MGAT5: variants seen among roughly 807,000 people sequenced by gnomAD.
MGAT5 encodes alpha-1,6-mannosylglycoprotein 6-beta-N-acetylglucosaminyltransferase.
In MGAT5, 30 loss-of-function variants were observed where a neutral mutation model predicts 94.3. The ratio of observed to expected loss-of-function variants is 0.32; its 90% CI spans 0.24 to 0.43. MGAT5 has a LOEUF of 0.43. MGAT5 is among the 20% of genes least tolerant of loss of function. MGAT5 has a pLI of 1.00. For missense variants in MGAT5, 691 were observed against 905.5 expected (o/e 0.76, Z 3.04); for synonymous variants, 310 against 322.9 (o/e 0.96, Z 0.43).
At chr2:134,351,196 C>A (rs978077816) in intron 9 of MGAT5, among the ~76,000 whole-genome samples, 1 of 152,188 alleles carries the variant, frequency 6.6e-6, no homozygotes, top group African/African-American at 2.4e-5. Context: ...CTATTACACA[C>A]CGTCCCTGGG....
intron 1 of MGAT5, among the ~76,000 whole-genome samples, chr2:134,231,737 G>T (rs1681373062): frequency 6.6e-6 from 1 of 152,172 alleles, no homozygotes; most frequent in African/African-American, 2.4e-5. Context: ...CTACCCACTG[G>T]AGGTATTTGG....
intron 2 of MGAT5, among the ~76,000 whole-genome samples, chr2:134,286,531 A>C (rs1685012636): frequency 6.6e-6 from 1 of 151,902 alleles, no homozygotes; most frequent in Admixed American, 6.6e-5. Flanking sequence ...TCCTGGGTTC[A>C]AGCAGTTTTC....
intron 1 of MGAT5, among the ~76,000 whole-genome samples, chr2:134,254,938 T>C (rs752156781): frequency 7.2e-5 from 11 of 152,194 alleles, no homozygotes; most frequent in Non-Finnish European, 8.8e-5. Context: ...TCAGGAACCA[T>C]GTGATCTCAT....
At chr2:134,266,690 A>T (rs898426370) in intron 1 of MGAT5, among the ~76,000 whole-genome samples, 1 of 152,232 alleles carries the variant, frequency 6.6e-6, no homozygotes, top group Non-Finnish European at 1.5e-5. Context: ...TACGTAACAC[A>T]TGCTTAATGT....
At chr2:134,236,646 C>A (rs1681652564) in intron 1 of MGAT5, among the ~76,000 whole-genome samples, 1 of 152,138 alleles carries the variant, frequency 6.6e-6, no homozygotes, top group Non-Finnish European at 1.5e-5. Context: ...GTGAGTCAAA[C>A]CTCTTTCCTT....
chr2:134,136,630 A>G (rs778995087), intron 1 of MGAT5, among the ~76,000 whole-genome samples: 7 of 152,202 alleles, frequency 4.6e-5, no homozygotes, highest in Non-Finnish European at 4.4e-5. Flanking sequence ...CAGTATTTCA[A>G]TATCATTGAT....
chr2:134,299,418 G>T (rs1685885707), intron 2 of MGAT5, among the ~76,000 whole-genome samples: 1 of 152,194 alleles, frequency 6.6e-6, no homozygotes, highest in African/African-American at 2.4e-5. Context: ...CACAGATAGA[G>T]GAGAGCTTGA....
At chr2:134,216,017 G>T (rs781766628) in intron 1 of MGAT5, among the ~76,000 whole-genome samples, 1 of 152,120 alleles carries the variant, frequency 6.6e-6, no homozygotes, top group East Asian at 1.9e-4. Context: ...TCTTTAGACG[G>T]TGACCTTAGA....
At chr2:134,218,751 A>G (rs1443009559) in intron 1 of MGAT5, among the ~76,000 whole-genome samples, 2 of 152,106 alleles carry the variant, frequency 1.3e-5, no homozygotes, top group Admixed American at 6.5e-5. Flanking sequence ...AAGGATATAG[A>G]CTTGTTGATG....
chr2:134,372,969 G>A (rs1680912826), intron 10 of MGAT5, among the ~76,000 whole-genome samples: 1 of 152,234 alleles, frequency 6.6e-6, no homozygotes, highest in Admixed American at 6.5e-5. Flanking sequence ...GGGCACTTCT[G>A]GAAGGTTCCA....
chr2:134,350,075 G>T, intron 9 of MGAT5, 137 bp downstream of exon 9: 4 of 516,248 alleles, frequency 7.7e-6, no homozygotes, highest in Non-Finnish European at 1.1e-5. Context: ...TTTTCCTTGG[G>T]AATTACTGAA....
intron 1 of MGAT5, among the ~76,000 whole-genome samples, chr2:134,158,504 G>A (rs182573376): frequency 2.6e-5 from 4 of 152,304 alleles, no homozygotes; most frequent in South Asian, 2.1e-4. Flanking sequence ...GCCGGGAGCC[G>A]AGAGTGTCTA....
intron 11 of MGAT5, among the ~76,000 whole-genome samples, chr2:134,408,113 G>T (rs142000913): frequency 6.6e-6 from 1 of 152,158 alleles, no homozygotes; most frequent in African/African-American, 2.4e-5. Context: ...GGCTCCAGTC[G>T]TAAATAAGCC....
chr2:134,374,392 G>A (rs1230527206), intron 10 of MGAT5, among the ~76,000 whole-genome samples: 1 of 152,130 alleles, frequency 6.6e-6, no homozygotes, highest in Non-Finnish European at 1.5e-5. Context: ...TGAAACATAG[G>A]CCCTGCAAGA....
At chr2:134,262,573 A>G (rs112877348) in intron 1 of MGAT5, among the ~76,000 whole-genome samples, 4,254 of 151,950 alleles carry the variant, frequency 0.028, 217 homozygotes, top group African/African-American at 0.094. Flanking sequence ...TTTTCTAAAG[A>G]TGGAATCTCA....
At chr2:134,191,812 G>A (rs535052055) in intron 1 of MGAT5, among the ~76,000 whole-genome samples, 3 of 149,410 alleles carry the variant, frequency 2.0e-5, no homozygotes, top group Non-Finnish European at 3.0e-5. Context: ...TCGCGCGAGC[G>A]GGTTCCTGAT....
At chr2:134,440,413 T>C (rs939197482) in intron 14 of MGAT5, among the ~76,000 whole-genome samples, 1 of 144,024 alleles carries the variant, frequency 6.9e-6, no homozygotes, top group Non-Finnish European at 1.5e-5. Flanking sequence ...CCAGGGTCTC[T>C]GGTTTTCTCC....
In MGAT5 at chr2:134,418,947, T is replaced by C. The variant is rs187591898; in HGVS notation, c.1678-3856T>C. ...GTCCTGCTCTGCCAGCTCACAAAAG[T>C]CCACAAAATCCCTGTAACCAAAGAA... On this transcript the variant is annotated intron_variant, in intron 12 of 15. Transcript: ENST00000281923. Among the ~76,000 whole-genome samples the C allele has an allele frequency of 3.0e-4, 45 of 152,284 alleles. 1 individual carries two copies. Among genetic ancestry groups the C allele is most frequent in the African/African-American group, 1.1e-3 (44 of 41,562 alleles).
At chr2:134,172,960 C>A (rs925817955) in intron 1 of MGAT5, among the ~76,000 whole-genome samples, 1 of 152,180 alleles carries the variant, frequency 6.6e-6, no homozygotes, top group Admixed American at 6.5e-5. Context: ...CAGCATCCCA[C>A]AACTAGATGA....
Sources: allele counts gnomAD v4.1 joint callset (sites outside exome capture counted in the v4.1 genomes callset), GRCh38; gene constraint gnomAD v4.1.1; transcripts MANE v1.5; gene names NCBI Gene and HGNC (gene_info 2026-07-23, HGNC 2026-07-21).